The following OVOL2 variants were observed in gnomAD, a reference collection of about 807,000 sequenced individuals.
OVOL2 encodes transcription factor Ovo-like 2.
OVOL2 carries 13 observed loss-of-function variants against 18.1 expected under a neutral mutation model. The observed-to-expected ratio is 0.72, with a 90% confidence interval of 0.47 to 1.14. The LOEUF (loss-of-function observed/expected upper bound fraction) is 1.14, where lower values mean the gene tolerates loss of function less well. Ranked by LOEUF, OVOL2 falls within the 50% of genes most tolerant of loss-of-function variation. The pLI is 0.00. For missense variants in OVOL2, 335 were observed against 383.0 expected (o/e 0.87, Z 1.05); for synonymous variants, 166 against 162.7 (o/e 1.02, Z -0.16).
At chr20:18,030,006 C>T (rs866721837) in intron 3 of OVOL2, among the ~76,000 whole-genome samples, 2 of 152,040 alleles carry the variant, frequency 1.3e-5, no homozygotes, top group South Asian at 4.2e-4. Flanking sequence ...CAAACCAACC[C>T]TCACCAATCA....
At position 18,052,222 on chromosome 20, in the gene OVOL2, C is replaced by T. The variant is rs1006248368; in HGVS notation, c.321+4435G>A. 2.6e-5 allele frequency among the ~76,000 whole-genome samples: 4 copies of T among 152,226 alleles called. No homozygotes were observed. In the East Asian group the frequency reaches 5.8e-4, roughly 22 times the overall value. On this transcript the variant is annotated intron_variant, in intron 2 of 3. Transcript: ENST00000278780. ...CTACAAAACAAATCACCCATTTCTTCAACAATTAACTTGATGGAGGGAAAA... is the reference window on the plus strand; with the variant it reads ...CTACAAAACAAATCACCCATTTCTTTAACAATTAACTTGATGGAGGGAAAA...
chr20:18,044,416 A>G (rs1413560057), intron 2 of OVOL2, among the ~76,000 whole-genome samples: 1 of 152,166 alleles, frequency 6.6e-6, no homozygotes, highest in African/African-American at 2.4e-5. Context: ...GGGCCAGTGC[A>G]CAATCAGTAT....
intron 2 of OVOL2, among the ~76,000 whole-genome samples, chr20:18,055,566 C>G (rs549584939): frequency 2.0e-5 from 3 of 152,318 alleles, no homozygotes; most frequent in East Asian, 1.9e-4. Flanking sequence ...AACCTCAGTT[C>G]AAAACCAAAT....
chr20:18,036,954 G>A (rs1164796578), intron 3 of OVOL2, among the ~76,000 whole-genome samples: 1 of 151,934 alleles, frequency 6.6e-6, no homozygotes, highest in South Asian at 2.1e-4. Flanking sequence ...GGCTAACAAG[G>A]TGAAACCCCG....
chr20:18,055,979 C>T (rs1476656943), intron 2 of OVOL2, among the ~76,000 whole-genome samples: 2 of 152,280 alleles, frequency 1.3e-5, no homozygotes, highest in Non-Finnish European at 2.9e-5. Flanking sequence ...GGCCCCGAGG[C>T]GCGACCATAG....
intron 2 of OVOL2, among the ~76,000 whole-genome samples, chr20:18,042,022 T>C (rs1270202129): frequency 6.6e-6 from 1 of 151,478 alleles, no homozygotes; most frequent in Non-Finnish European, 1.5e-5. Flanking sequence ...GTAATTCTCC[T>C]GCCTCAGCTT....
chr20:18,024,414 T>G lies in OVOL2; in HGVS notation c.*222A>C. The stretch of plus-strand genomic sequence containing the variant: ...GATCATGAAAACAAACTTTGGTGAA[T>G]GTGAGCAACTGCGCCAGACAGGACA... On this transcript the variant is annotated 3_prime_UTR_variant, in exon 4 of 4. Coordinates refer to ENST00000278780, the MANE Select transcript of OVOL2 (RefSeq NM_021220.4). 1.1e-6 allele frequency: 1 copy of G among 918,224 alleles called. No homozygotes were observed. The allele number at this position is 918,224 out of a possible 1,614,324, so 56.9% of individuals were successfully genotyped here.
Position 18,024,200 on chromosome 20 carries a change from T to C in OVOL2, c.*436A>G, listed in dbSNP as rs1458621437. 6.1e-6 allele frequency: 1 copy of C among 162,794 alleles called. No individual in the cohort carries two copies. 10.1% of individuals were successfully genotyped at this position (162,794 alleles called of 1,614,324 possible). Reference sequence around the variant, plus strand: ...AAGCTTCACAAGAACATTTCATTTATTAAAATAGTTTCTGTAAACTCTTTC... The same window carrying C: ...AAGCTTCACAAGAACATTTCATTTACTAAAATAGTTTCTGTAAACTCTTTC... On this transcript the variant is annotated 3_prime_UTR_variant, in exon 4 of 4. Transcript: ENST00000278780.
chr20:18,035,488 A>T (rs2036608137), intron 3 of OVOL2, among the ~76,000 whole-genome samples: 1 of 152,226 alleles, frequency 6.6e-6, no homozygotes, highest in Admixed American at 6.5e-5. Context: ...CAACAAAGGT[A>T]AGACCAAATT....
intron 3 of OVOL2, among the ~76,000 whole-genome samples, chr20:18,030,747 A>G (rs1329101066): frequency 1.3e-5 from 2 of 152,236 alleles, no homozygotes; most frequent in East Asian, 3.8e-4. Context: ...AAGGAGACAT[A>G]GGCCCAGAAA....
rs2036671173 is a variant in OVOL2, at chr20:18,041,721, G to T, written c.324C>A (p.Phe108Leu). 6.2e-7 allele frequency: 1 copy of T among 1,610,206 alleles called. No homozygotes were observed. Among genetic ancestry groups the T allele is most frequent in the East Asian group, 2.2e-5 (1 of 44,776 alleles). ...CCGAGTCGCTGCACGTGCCTGTGGT[G>T]AACTGGGGGCAGAGAGAGGCCATGA... is the stretch of plus-strand genomic sequence containing the variant. ...QRPVARSKIKFTTGTCSDSVV... is the reference protein window; with the variant it reads ...QRPVARSKIKLTTGTCSDSVV... Residue 108 changes from phenylalanine to leucine, a missense_variant and splice_region_variant, in exon 3 of 4, where the codon TTC (phenylalanine) becomes TTA (leucine). Coordinates refer to ENST00000278780, the MANE Select transcript of OVOL2 (RefSeq NM_021220.4).
chr20:18,035,354 G>A (rs2036607162), intron 3 of OVOL2, among the ~76,000 whole-genome samples: 1 of 152,240 alleles, frequency 6.6e-6, no homozygotes, highest in Non-Finnish European at 1.5e-5. Flanking sequence ...CTACCTGGGA[G>A]GCTGAGGCAA....
At chr20:18,055,478 G>A (rs965610746) in intron 2 of OVOL2, among the ~76,000 whole-genome samples, 1 of 152,114 alleles carries the variant, frequency 6.6e-6, no homozygotes, top group Non-Finnish European at 1.5e-5. Flanking sequence ...CACACTTACC[G>A]CTAAGCTGCC....
At chr20:18,040,967 G>C (rs1021601982) in intron 3 of OVOL2, among the ~76,000 whole-genome samples, 5 of 152,166 alleles carry the variant, frequency 3.3e-5, no homozygotes, top group Admixed American at 1.3e-4. Flanking sequence ...CATGCATCAT[G>C]ATTCTCAGAA....
chr20:18,036,949 A>G (rs2036620106), intron 3 of OVOL2, among the ~76,000 whole-genome samples: 1 of 151,988 alleles, frequency 6.6e-6, no homozygotes, highest in African/African-American at 2.4e-5. Flanking sequence ...ATCCTGGCTA[A>G]CAAGGTGAAA....
At chr20:18,026,624 G>T (rs867670523) in intron 3 of OVOL2, among the ~76,000 whole-genome samples, 1 of 152,048 alleles carries the variant, frequency 6.6e-6, no homozygotes, top group East Asian at 1.9e-4. Flanking sequence ...CTTGTGATCT[G>T]CCCCCCTCGG....
At chr20:18,027,978 T>G (rs1041165458) in intron 3 of OVOL2, among the ~76,000 whole-genome samples, 1 of 150,146 alleles carries the variant, frequency 6.7e-6, no homozygotes, top group African/African-American at 2.5e-5. Flanking sequence ...TGAGAGAGGG[T>G]GAATATGGTA....
chr20:18,050,183 G>GA (rs2036760255), intron 2 of OVOL2, among the ~76,000 whole-genome samples: 1 of 152,218 alleles, frequency 6.6e-6, no homozygotes. Context: ...CTAGAGAAGT[G>GA]AAAACTACGC....
chr20:18,034,331 A>G (rs1206784046), intron 3 of OVOL2, among the ~76,000 whole-genome samples: 1 of 152,100 alleles, frequency 6.6e-6, no homozygotes, highest in African/African-American at 2.4e-5. Context: ...CCTTGCCTGT[A>G]GCAGATCCAT....
Sources: allele counts gnomAD v4.1 joint callset (sites outside exome capture counted in the v4.1 genomes callset), GRCh38; gene constraint gnomAD v4.1.1; transcripts MANE v1.5; gene names NCBI Gene and HGNC (gene_info 2026-07-23, HGNC 2026-07-21).